Variants in EPHA6 observed in about 807,000 individuals in gnomAD.
EPHA6 encodes EPH receptor A6.
EPHA6 carries 50 observed loss-of-function variants against 112.0 expected under a neutral mutation model. The ratio of observed to expected loss-of-function variants is 0.45; its 90% CI spans 0.36 to 0.56. The LOEUF (loss-of-function observed/expected upper bound fraction) is 0.56, where lower values mean the gene tolerates loss of function less well. EPHA6 is among the 20% of genes least tolerant of loss of function. The pLI is 0.00. For synonymous variants in EPHA6, 529 were observed against 490.7 expected, an observed-to-expected ratio of 1.08 and a Z score of -1.03; for missense variants, 1,280 against 1,417.4, an observed-to-expected ratio of 0.90 and a Z score of 1.56.
chr3:96,959,026 T>C (rs769366004), intron 2 of EPHA6, among the ~76,000 whole-genome samples: 121 of 152,192 alleles, frequency 8.0e-4, no homozygotes, highest in Non-Finnish European at 1.7e-3. Context: ...AGTATATACC[T>C]AAGAATGGAA....
rs148744674 is a variant in EPHA6 at position 97,408,906 on chromosome 3, T to G, written c.1731+3632T>G. On this transcript the variant is annotated intron_variant, in intron 6 of 17. Coordinates refer to ENST00000389672, the MANE Select transcript of EPHA6 (RefSeq NM_001080448.3). ...CAAAATTAGTCCTAATCAGAGTTAT[T>G]TATTTGTGGATCTGGACTTCCCCCA... Among the ~76,000 whole-genome samples the G allele has an allele frequency of 3.1e-3, 471 of 152,188 alleles. 4 individuals carry two copies. Among genetic ancestry groups the G allele is most frequent in the African/African-American group, 0.011 (444 of 41,536 alleles).
At chr3:97,200,968 T>C (rs957057612) in intron 3 of EPHA6, among the ~76,000 whole-genome samples, 1 of 152,170 alleles carries the variant, frequency 6.6e-6, no homozygotes, top group Non-Finnish European at 1.5e-5. Flanking sequence ...TGTAAACATT[T>C]GACAAAAAGC....
chr3:97,345,278 G>A (rs2083482159), intron 5 of EPHA6, among the ~76,000 whole-genome samples: 2 of 152,108 alleles, frequency 1.3e-5, no homozygotes, highest in Admixed American at 1.3e-4. Context: ...AAAACAAACT[G>A]CTTAGAAATT....
intron 3 of EPHA6, among the ~76,000 whole-genome samples, chr3:97,177,971 G>A (rs1208544100): frequency 2.0e-5 from 3 of 151,826 alleles, no homozygotes; most frequent in Non-Finnish European, 4.4e-5. Flanking sequence ...GATAAGTAAG[G>A]ACTTACTCCT....
intron 3 of EPHA6, among the ~76,000 whole-genome samples, chr3:97,167,037 A>T (rs184558144): frequency 1.3e-5 from 2 of 152,308 alleles, no homozygotes; most frequent in Admixed American, 1.3e-4. Flanking sequence ...GCAGACATTA[A>T]TGTGATCTAC....
In EPHA6 at chr3:97,741,818, A is replaced by G. The variant is rs55993561; in HGVS notation, c.3129-5605A>G. 3.5e-3 allele frequency among the ~76,000 whole-genome samples: 526 copies of G among 152,174 alleles called. 1 individual carries two copies. Among genetic ancestry groups the G allele is most frequent in the African/African-American group, 0.012 (480 of 41,564 alleles). On this transcript the variant is annotated intron_variant, in intron 16 of 17. Coordinates refer to ENST00000389672, the MANE Select transcript of EPHA6 (RefSeq NM_001080448.3). ...ATTTTATCTGGACTAGTCAAACTTC[A>G]TAGATGGAGTCTATTAAAATTCAAA... is the stretch of plus-strand genomic sequence containing the variant.
At chr3:96,837,458 G>T (rs1433887806) in intron 1 of EPHA6, among the ~76,000 whole-genome samples, 1 of 152,066 alleles carries the variant, frequency 6.6e-6, no homozygotes, top group Non-Finnish European at 1.5e-5. Context: ...ACATGGGAGA[G>T]ATCATTCAAA....
At chr3:96,942,369 G>C (rs1332322710) in intron 2 of EPHA6, among the ~76,000 whole-genome samples, 1 of 152,198 alleles carries the variant, frequency 6.6e-6, no homozygotes, top group Non-Finnish European at 1.5e-5. Context: ...TCAGACTGCT[G>C]TGCTAGCAAT....
intron 1 of EPHA6, among the ~76,000 whole-genome samples, chr3:96,842,971 G>T (rs534857597): frequency 4.9e-4 from 74 of 152,112 alleles, no homozygotes; most frequent in African/African-American, 1.6e-3. Context: ...GGTACAGTCA[G>T]AAAATTTAAA....
intron 9 of EPHA6, among the ~76,000 whole-genome samples, chr3:97,480,450 C>A (rs922116377): frequency 6.6e-6 from 1 of 152,056 alleles, no homozygotes; most frequent in African/African-American, 2.4e-5. Flanking sequence ...CAGCATGCTG[C>A]CTTCAAGCAT....
intron 1 of EPHA6, among the ~76,000 whole-genome samples, chr3:96,824,263 T>C (rs2033496452): frequency 6.6e-6 from 1 of 151,794 alleles, no homozygotes; most frequent in South Asian, 2.1e-4. Flanking sequence ...AAAGTTTTAA[T>C]AGGTTTATTA....
chr3:97,735,820 C>A, intron 15 of EPHA6, 105 bp from the exon 16 acceptor site: 1 of 812,794 alleles, frequency 1.2e-6, no homozygotes, highest in Non-Finnish European at 1.9e-6. Flanking sequence ...AAGTAGTTTT[C>A]ATGCTTACCA....
At chr3:97,161,442 T>C (rs560364734) in intron 3 of EPHA6, among the ~76,000 whole-genome samples, 8 of 152,270 alleles carry the variant, frequency 5.3e-5, no homozygotes, top group Non-Finnish European at 8.8e-5. Context: ...GTATGGCTCA[T>C]AGTGGAAGAG....
At chr3:96,933,414 T>C (rs1259215223) in intron 2 of EPHA6, among the ~76,000 whole-genome samples, 2 of 152,050 alleles carry the variant, frequency 1.3e-5, no homozygotes, top group Non-Finnish European at 2.9e-5. Context: ...TTTAGCTAAA[T>C]ATGTTTATAA....
intron 11 of EPHA6, among the ~76,000 whole-genome samples, chr3:97,540,193 C>G (rs1422286642): frequency 6.6e-6 from 1 of 152,190 alleles, no homozygotes; most frequent in Admixed American, 6.5e-5. Flanking sequence ...AACCTTAATA[C>G]TTTTTGCTGT....
chr3:97,369,405 TG>T (rs1237046850), intron 5 of EPHA6, among the ~76,000 whole-genome samples: 1 of 152,122 alleles, frequency 6.6e-6, no homozygotes, highest in Non-Finnish European at 1.5e-5. Context: ...TGGAGGCAGA[TG>T]TATTTTGTTA....
intron 5 of EPHA6, among the ~76,000 whole-genome samples, chr3:97,247,841 T>G (rs147296779): frequency 3.3e-5 from 5 of 151,962 alleles, no homozygotes. Flanking sequence ...CATGAGGTCA[T>G]ACTTACATGA....
chr3:96,885,047 A>G (rs1256137874), intron 2 of EPHA6, among the ~76,000 whole-genome samples: 1 of 152,126 alleles, frequency 6.6e-6, no homozygotes, highest in Non-Finnish European at 1.5e-5. Flanking sequence ...TGTATGTTAA[A>G]CCATCCCTCC....
At chr3:96,907,545 A>G (rs1042348384) in intron 2 of EPHA6, among the ~76,000 whole-genome samples, 4 of 151,660 alleles carry the variant, frequency 2.6e-5, no homozygotes, top group African/African-American at 4.8e-5. Context: ...TTGATATTGC[A>G]TCTTTTGTAT....
Sources: allele counts gnomAD v4.1 joint callset (sites outside exome capture counted in the v4.1 genomes callset), GRCh38; gene constraint gnomAD v4.1.1; transcripts MANE v1.5; gene names NCBI Gene and HGNC (gene_info 2026-07-23, HGNC 2026-07-21).